TRMT2B: variants seen among roughly 807,000 people sequenced by gnomAD.
The protein encoded by TRMT2B is tRNA methyltransferase 2B, also known as tRNA (uracil-5-)-methyltransferase homolog B.
Under a neutral mutation model 39.7 loss-of-function variants are expected in TRMT2B, and 34 were observed. The ratio of observed to expected loss-of-function variants is 0.86; its 90% CI spans 0.65 to 1.14. The LOEUF (loss-of-function observed/expected upper bound fraction) is 1.14, where lower values mean the gene tolerates loss of function less well. Among genes scored for constraint, TRMT2B ranks in the 50% most tolerant of loss-of-function variants. The pLI is 0.00. For synonymous variants in TRMT2B, 132 were observed against 137.3 expected (o/e 0.96, Z 0.27); for missense variants, 318 against 377.2 (o/e 0.84, Z 1.30).
chrX:100,973,411 C>T, the TRMT2B span, among the ~76,000 whole-genome samples: 1 of 104,313 alleles, frequency 9.6e-6, no homozygotes, highest in Non-Finnish European at 2.0e-5. Context: ...CTCCTCCAGC[C>T]GCTGCCTCCC....
chrX:101,003,470 T>C, the TRMT2B span, among the ~76,000 whole-genome samples: 1 of 109,680 alleles, frequency 9.1e-6, no homozygotes, highest in Non-Finnish European at 1.9e-5. Context: ...TGCCTCAGCC[T>C]CCCAAGTAGC....
rs770369059 is a variant in TRMT2B at position 101,021,990 on chromosome X, T to C, written c.829A>G (p.Thr277Ala). The C allele has an allele frequency of 1.7e-6, 2 of 1,208,537 alleles. No individual in the cohort carries two copies. Among genetic ancestry groups the C allele is most frequent in the African/African-American group, 3.5e-5 (2 of 57,305 alleles). ...TACCTTTCCTGGAAGTAAAGTGAGGTCAAGCCACAGGCTGCTCCAGGACCT... is the reference window on the plus strand; with the variant it reads ...TACCTTTCCTGGAAGTAAAGTGAGGCCAAGCCACAGGCTGCTCCAGGACCT... ...IRGPGAACGL[T>A]SLYFQESTMT... Residue 277 changes from threonine to alanine, a missense_variant, in exon 9 of 14, where the codon ACC becomes GCC. Transcript: ENST00000372936.
the TRMT2B span, among the ~76,000 whole-genome samples, chrX:100,992,834 C>T: frequency 3.6e-3 from 400 of 111,329 alleles, 1 homozygote; most frequent in African/African-American, 0.012. Flanking sequence ...GACCCTGGGA[C>T]AGGAGGTGGC....
intron 7 of TRMT2B, among the ~76,000 whole-genome samples, chrX:101,027,030 C>T (rs1023393001): frequency 9.0e-6 from 1 of 111,174 alleles, no homozygotes; most frequent in African/African-American, 3.3e-5. Context: ...TCCTTCTACT[C>T]ACCCATCTGA....
chrX:100,984,639 G>A, the TRMT2B span, among the ~76,000 whole-genome samples: 6 of 112,378 alleles, frequency 5.3e-5, no homozygotes, highest in African/African-American at 1.9e-4. Context: ...AACACCTACT[G>A]TGTGTAAGGT....
chrX:101,003,231 A>T, the TRMT2B span, among the ~76,000 whole-genome samples: 2 of 110,182 alleles, frequency 1.8e-5, no homozygotes, highest in African/African-American at 6.6e-5. Flanking sequence ...AAATTAAAAA[A>T]TTAAAAAATA....
the TRMT2B span, among the ~76,000 whole-genome samples, chrX:100,980,295 G>A: frequency 1.8e-5 from 2 of 109,889 alleles, no homozygotes; most frequent in African/African-American, 3.3e-5. Flanking sequence ...CTGGGGCTGA[G>A]CAAGTACCCA....
rs183607141 is a variant in TRMT2B, at chrX:101,041,183, G to A, written c.303+134C>T. Reference sequence around the variant, plus strand: ...TGCGCCACTGAACTGCAGCCTGGGCGACAGAGCGAGACTCCATCTCAAAAA... The same window carrying A: ...TGCGCCACTGAACTGCAGCCTGGGCAACAGAGCGAGACTCCATCTCAAAAA... On this transcript the variant is annotated intron_variant, in intron 4 of 13. Transcript: ENST00000372936. The A allele has an allele frequency of 3.0e-4, 147 of 497,025 alleles. 1 individual carries two copies. In the Admixed American group the frequency reaches 5.2e-3, roughly 18 times the overall value. The allele number at this position is 497,025 out of a possible 1,213,427, so 41.0% of individuals were successfully genotyped here.
At chrX:100,996,127 G>A in the TRMT2B span, among the ~76,000 whole-genome samples, 3 of 111,801 alleles carry the variant, frequency 2.7e-5, no homozygotes, top group Non-Finnish European at 3.8e-5. Flanking sequence ...GAGCAACGTG[G>A]ATGGAACTAG....
the TRMT2B span, among the ~76,000 whole-genome samples, chrX:100,993,249 T>C: frequency 1.8e-5 from 2 of 112,110 alleles, no homozygotes; most frequent in Admixed American, 1.9e-4. Flanking sequence ...CCAGATCTCA[T>C]GTGCCCAAGC....
At chrX:101,045,779 C>G (rs1161664973) in intron 2 of TRMT2B, among the ~76,000 whole-genome samples, 1 of 108,274 alleles carries the variant, frequency 9.2e-6, no homozygotes. Flanking sequence ...GCCTAGGTGA[C>G]AGAGTGAGAC....
At chrX:101,012,458 G>A (rs1240718603) in intron 13 of TRMT2B, among the ~76,000 whole-genome samples, 3 of 104,243 alleles carry the variant, frequency 2.9e-5, no homozygotes, top group Non-Finnish European at 5.9e-5. Context: ...ATCTCCCAAT[G>A]CTATCCCTCC....
chrX:100,996,495 T>C, the TRMT2B span, among the ~76,000 whole-genome samples: 2 of 111,953 alleles, frequency 1.8e-5, no homozygotes, highest in Non-Finnish European at 3.8e-5. Context: ...TTACACATTG[T>C]ATGCATATAT....
Position 101,047,987 on chromosome X carries a change from T to C in TRMT2B, c.-24+3264A>G, listed in dbSNP as rs767079864. Among the ~76,000 whole-genome samples the C allele has an allele frequency of 5.4e-5, 6 of 110,447 alleles. No homozygotes were observed. The South Asian group carries it at 2.4e-3, about 44-fold the overall frequency. On this transcript the variant is annotated intron_variant, in intron 2 of 13. Transcript: ENST00000372936. ...CACCTATTTTAAGTACTTGGGACAC[T>C]TGAATGGACTTGGCCTGACATTCTG... is the stretch of plus-strand genomic sequence containing the variant.
chrX:100,975,706 C>G, the TRMT2B span, among the ~76,000 whole-genome samples: 1 of 107,297 alleles, frequency 9.3e-6, no homozygotes. Flanking sequence ...GATCTCAGCT[C>G]ACTGCAACCT....
At chrX:100,981,729 A>G in the TRMT2B span, among the ~76,000 whole-genome samples, 1 of 108,476 alleles carries the variant, frequency 9.2e-6, no homozygotes, top group Non-Finnish European at 1.9e-5. Flanking sequence ...GGATCACTTG[A>G]GTCCAGGAGG....
At chrX:101,029,742 T>A (rs2087333102) in intron 7 of TRMT2B, among the ~76,000 whole-genome samples, 1 of 111,296 alleles carries the variant, frequency 9.0e-6, no homozygotes, top group Non-Finnish European at 1.9e-5. Flanking sequence ...CTCAGTAAAA[T>A]CTCAGAAGAT....
the TRMT2B span, among the ~76,000 whole-genome samples, chrX:100,998,350 A>G: frequency 9.2e-6 from 1 of 108,982 alleles, no homozygotes; most frequent in African/African-American, 3.3e-5. Context: ...AGGCTATGAC[A>G]TTCATTTATT....
At chrX:101,007,377 T>G (rs190555994), downstream of TRMT2B, among the ~76,000 whole-genome samples, 35 of 112,191 alleles carry the variant, frequency 3.1e-4, no homozygotes, top group East Asian at 8.5e-3. Flanking sequence ...CTGGGTGCAG[T>G]GGCTCATGCC....
Sources: gnomAD v4.1 joint callset for allele counts (sites outside exome capture counted in the v4.1 genomes callset) on GRCh38, gnomAD v4.1.1 for gene constraint, MANE v1.5 for transcripts, NCBI Gene and HGNC (gene_info 2026-07-23, HGNC 2026-07-21) for gene names.